CTNNA2: variants seen among roughly 807,000 people sequenced by gnomAD.
The protein encoded by CTNNA2 is catenin alpha 2, also known as catenin alpha-2.
A neutral mutation model predicts 101.0 loss-of-function variants in CTNNA2; 42 were observed. The ratio of observed to expected loss-of-function variants is 0.42; its 90% confidence interval spans 0.32 to 0.54. CTNNA2 has a LOEUF of 0.54. CTNNA2 is among the 20% of genes least tolerant of loss of function. CTNNA2 has a pLI of 0.14. For synonymous variants in CTNNA2, 450 were observed against 456.4 expected, an observed-to-expected ratio of 0.99 and a Z score of 0.18; for missense variants, 871 against 1,223.1, an observed-to-expected ratio of 0.71 and a Z score of 4.29.
chr2:79,889,126 G>A (rs1441845119), intron 6 of CTNNA2, among the ~76,000 whole-genome samples: 1 of 152,068 alleles, frequency 6.6e-6, no homozygotes, highest in East Asian at 1.9e-4. Flanking sequence ...AACGTGATAG[G>A]GAGTTACTTA....
intron 1 of CTNNA2, among the ~76,000 whole-genome samples, chr2:79,640,474 C>G (rs1186635518): frequency 6.6e-5 from 10 of 152,072 alleles, no homozygotes. Flanking sequence ...AAGCTAGTAT[C>G]CTGTTCTAAT....
At chr2:80,536,530 G>C (rs1282146634) in intron 9 of CTNNA2, among the ~76,000 whole-genome samples, 63 of 152,228 alleles carry the variant, frequency 4.1e-4, no homozygotes, top group Non-Finnish European at 4.4e-5. Context: ...CAGTGTTTGG[G>C]AGTTGAATGC....
intron 2 of CTNNA2, among the ~76,000 whole-genome samples, chr2:79,203,615 A>G (rs1674064941): frequency 6.6e-6 from 1 of 152,194 alleles, no homozygotes; most frequent in African/African-American, 2.4e-5. Flanking sequence ...ATGATAGACA[A>G]TGCATAGTTT....
chr2:79,563,175 ATATATATATATATT>A (rs1311094980), intron 1 of CTNNA2, among the ~76,000 whole-genome samples: 3 of 92,554 alleles, frequency 3.2e-5, no homozygotes, highest in Admixed American at 1.0e-4. Context: ...ATATATATAT[ATATATATATATATT>A]TTCCTTCATT....
intron 2 of CTNNA2, among the ~76,000 whole-genome samples, chr2:79,654,482 C>T (rs182189334): frequency 6.6e-6 from 1 of 152,240 alleles, no homozygotes; most frequent in Admixed American, 6.5e-5. Context: ...CACAATGCTC[C>T]AGATCCCTCC....
chr2:80,284,231 C>T (rs535865984), intron 7 of CTNNA2, among the ~76,000 whole-genome samples: 57 of 152,148 alleles, frequency 3.7e-4, no homozygotes, highest in African/African-American at 1.3e-3. Flanking sequence ...GGATAAGGGG[C>T]CCTAACTCTG....
intron 7 of CTNNA2, among the ~76,000 whole-genome samples, chr2:80,381,015 T>A (rs904151189): frequency 1.1e-4 from 17 of 152,188 alleles, no homozygotes; most frequent in Admixed American, 7.2e-4. Context: ...TCATAAAGTT[T>A]TCATTGGTTC....
intron 2 of CTNNA2, among the ~76,000 whole-genome samples, chr2:79,673,516 A>G (rs762363436): frequency 2.0e-5 from 3 of 152,200 alleles, no homozygotes; most frequent in Non-Finnish European, 4.4e-5. Flanking sequence ...TCCTTAAAAA[A>G]TTGACCTTGG....
chr2:79,792,721 A>G (rs1675380439), intron 3 of CTNNA2, among the ~76,000 whole-genome samples: 1 of 152,172 alleles, frequency 6.6e-6, no homozygotes. Flanking sequence ...ATATTAGAAA[A>G]ATCACTTACC....
chr2:80,419,748 T>C, intron 9 of CTNNA2, 147 bp downstream of exon 9: 1 of 773,674 alleles, frequency 1.3e-6, no homozygotes, highest in Non-Finnish European at 1.9e-6. Context: ...TTCTGATTAC[T>C]GTACCCCCTT....
rs60219150 is a variant in CTNNA2, at chr2:79,306,045, C to CAAAAAAA, written c.-405-6653_-405-6647dup. Among the ~76,000 whole-genome samples the CAAAAAAA allele has an allele frequency of 3.6e-3, 287 of 79,874 alleles. 2 individuals carry two copies. Among genetic ancestry groups the CAAAAAAA allele is most frequent in the African/African-American group, 7.8e-3 (179 of 22,868 alleles). 52.4% of individuals were successfully genotyped at this position (79,874 alleles called of 152,430 possible). Reference sequence around the variant, plus strand: ...TGGGCAACAGAGCGAGACACCATTTCAAAAAAAAAAAAAAAAAGGCAATCT... The same window carrying CAAAAAAA: ...TGGGCAACAGAGCGAGACACCATTTCAAAAAAAAAAAAAAAAAAAAAAAAGGCAATCT... On this transcript the variant is annotated intron_variant, in intron 2 of 21. Coordinates refer to the CTNNA2 transcript ENST00000466387.
chr2:79,606,425 G>A (rs1677896718), intron 1 of CTNNA2, among the ~76,000 whole-genome samples: 1 of 152,092 alleles, frequency 6.6e-6, no homozygotes, highest in African/African-American at 2.4e-5. Context: ...CCGCCAGCAC[G>A]CCTGGCTAAT....
chr2:79,824,059 AG>A (rs750005530), intron 3 of CTNNA2, among the ~76,000 whole-genome samples: 1 of 152,222 alleles, frequency 6.6e-6, no homozygotes, highest in Non-Finnish European at 1.5e-5. Context: ...GATCTTGAAA[AG>A]CATGTAGGGA....
At chr2:79,539,749 AT>A (rs1673295300) in intron 1 of CTNNA2, among the ~76,000 whole-genome samples, 1 of 152,088 alleles carries the variant, frequency 6.6e-6, no homozygotes. Flanking sequence ...GACCAGAACT[AT>A]CTGTCCTTCC....
intron 1 of CTNNA2, among the ~76,000 whole-genome samples, chr2:79,555,136 T>G (rs1674363639): frequency 6.6e-6 from 1 of 152,196 alleles, no homozygotes; most frequent in South Asian, 2.1e-4. Flanking sequence ...CCTATTTTTA[T>G]GCAAATTGAG....
At chr2:79,635,228 G>A (rs1380563308) in intron 1 of CTNNA2, among the ~76,000 whole-genome samples, 1 of 151,988 alleles carries the variant, frequency 6.6e-6, no homozygotes, top group African/African-American at 2.4e-5. Flanking sequence ...AAAGGAATTC[G>A]AGACCATCCC....
At chr2:80,481,973 G>A (rs918388368) in intron 9 of CTNNA2, among the ~76,000 whole-genome samples, 23 of 152,112 alleles carry the variant, frequency 1.5e-4, no homozygotes, top group Admixed American at 4.6e-4. Flanking sequence ...TGGCCATATC[G>A]GGGAGATTAC....
At chr2:80,232,341 G>GTTGTTTTTTTTTTTTTTTTTTTT (rs1709276642) in intron 7 of CTNNA2, among the ~76,000 whole-genome samples, 2 of 82,060 alleles carry the variant, frequency 2.4e-5, no homozygotes, top group African/African-American at 6.6e-5. Context: ...TTGTTTGTTT[G>GTTGTTTTTTTTTTTTTTTTTTTT]TTTGTTTTTT....
At chr2:79,966,105 T>C (rs1438591027) in intron 7 of CTNNA2, among the ~76,000 whole-genome samples, 1 of 152,104 alleles carries the variant, frequency 6.6e-6, no homozygotes, top group Admixed American at 6.5e-5. Flanking sequence ...TTTAATATCA[T>C]TTATTGAAGT....
Sources: gnomAD v4.1 joint callset for allele counts (sites outside exome capture counted in the v4.1 genomes callset) on GRCh38, gnomAD v4.1.1 for gene constraint, MANE v1.5 for transcripts, NCBI Gene and HGNC (gene_info 2026-07-23, HGNC 2026-07-21) for gene names.